The following IRAG1 variants were observed in gnomAD, a reference collection of about 807,000 sequenced individuals.
IRAG1 encodes the protein IP3R-associated cGMP kinase substrate.
A neutral mutation model predicts 106.2 loss-of-function variants in IRAG1; 62 were observed. The observed-to-expected ratio is 0.58, with a 90% CI of 0.48 to 0.72. The LOEUF is 0.72. Among genes scored for constraint, IRAG1 ranks in the 30% least tolerant of loss-of-function variants. The pLI, the probability that IRAG1 is intolerant of heterozygous loss-of-function variation, is 0.00. For synonymous variants in IRAG1, 462 were observed against 443.9 expected (o/e 1.04, Z -0.51); for missense variants, 1,064 against 1,140.7 (o/e 0.93, Z 0.97).
chr11:10,576,312 C>G lies in IRAG1; in HGVS notation c.*20G>C. 1 of 1,612,836 alleles carries G rather than the reference C, an allele frequency of 6.2e-7. No individual in the cohort carries two copies. The highest frequency in any genetic ancestry group is 8.5e-7 in the Non-Finnish European group (1 of 1,179,548). Reference sequence around the variant, plus strand: ...AGTCTGAGTGTCTCAGAGCAGGGCACTGGCTAGGTGTGAGGTTTCCTACTG... The same window carrying G: ...AGTCTGAGTGTCTCAGAGCAGGGCAGTGGCTAGGTGTGAGGTTTCCTACTG... On this transcript the variant is annotated 3_prime_UTR_variant, in exon 21 of 21. Coordinates refer to ENST00000423302, the MANE Select transcript of IRAG1 (RefSeq NM_130385.4).
At chr11:10,617,250 A>C in intron 10 of IRAG1, 2 of 932,166 alleles carry the variant, frequency 2.1e-6, no homozygotes, top group Non-Finnish European at 2.6e-6. Context: ...CATTTACTGA[A>C]CATCAACTAT....
At chr11:10,588,405 A>C (rs988649625) in intron 18 of IRAG1, among the ~76,000 whole-genome samples, 3 of 152,072 alleles carry the variant, frequency 2.0e-5, no homozygotes, top group Admixed American at 6.5e-5. Context: ...GCTGCAGTGC[A>C]GTGGTGCAAT....
chr11:10,594,554 AG>A (rs1296562770), intron 15 of IRAG1, among the ~76,000 whole-genome samples: 1 of 152,204 alleles, frequency 6.6e-6, no homozygotes, highest in Non-Finnish European at 1.5e-5. Flanking sequence ...TGCTCGTTCA[AG>A]GATGTACAGT....
rs368712160 is a variant in IRAG1, at chr11:10,665,364, T to G, written c.68-13182A>C. 9.8e-5 allele frequency among the ~76,000 whole-genome samples: 15 copies of G among 152,298 alleles called. No homozygotes were observed. The South Asian group carries it at 2.5e-3, about 25-fold the overall frequency. ...CCAGGATGCCTGTCCCCACTTCTTT[T>G]TACTAATACACACATCTAAACTGTT... On this transcript the variant is annotated intron_variant, in intron 1 of 20. Coordinates refer to ENST00000423302, the MANE Select transcript of IRAG1 (RefSeq NM_130385.4). This position sits in a 1 kb window ranked among gnomAD's most constrained non-coding sequence, Gnocchi z 4.2.
At chr11:10,634,156 C>T (rs543473496) in intron 2 of IRAG1, 85 bp from the exon 3 acceptor site, 5 of 743,874 alleles carry the variant, frequency 6.7e-6, no homozygotes, top group Non-Finnish European at 9.0e-6. Context: ...ATTCTCACAT[C>T]ATGATGCTCA....
intron 18 of IRAG1, among the ~76,000 whole-genome samples, chr11:10,584,046 T>C (rs1302153330): frequency 1.3e-5 from 2 of 152,148 alleles, no homozygotes; most frequent in African/African-American, 4.8e-5. Flanking sequence ...ATTGCAGGTA[T>C]GGGATCACAA....
chr11:10,642,922 T>C (rs1210520229), intron 2 of IRAG1, among the ~76,000 whole-genome samples: 1 of 151,642 alleles, frequency 6.6e-6, no homozygotes, highest in East Asian at 2.0e-4. Context: ...CCCAGCACTT[T>C]GGGAGGCCGA....
At chr11:10,598,042 C>T (rs1853530424) in intron 15 of IRAG1, among the ~76,000 whole-genome samples, 1 of 152,172 alleles carries the variant, frequency 6.6e-6, no homozygotes, top group African/African-American at 2.4e-5. Flanking sequence ...AACAAATTTC[C>T]TTGTTTCTCT....
intron 20 of IRAG1, 117 bp downstream of exon 20, chr11:10,580,338 G>A: frequency 1.3e-6 from 2 of 1,503,350 alleles, no homozygotes; most frequent in South Asian, 2.7e-5. Flanking sequence ...TACTCACTGG[G>A]GCCCCAGATT....
At chr11:10,637,748 C>T (rs1857243623) in intron 2 of IRAG1, among the ~76,000 whole-genome samples, 1 of 151,856 alleles carries the variant, frequency 6.6e-6, no homozygotes, top group Admixed American at 6.6e-5. Context: ...TCCAGGGGAC[C>T]AGAAGAGAAG....
chr11:10,654,234 A>AC (rs34624515), intron 1 of IRAG1, among the ~76,000 whole-genome samples: 49,120 of 151,874 alleles, frequency 0.32, 9,075 homozygotes, highest in East Asian at 0.82. Context: ...GCTCTGACAG[A>AC]CCCCCCAGCC....
At chr11:10,586,902 T>C (rs1464804482) in intron 18 of IRAG1, among the ~76,000 whole-genome samples, 2 of 152,252 alleles carry the variant, frequency 1.3e-5, no homozygotes, top group Non-Finnish European at 2.9e-5. Context: ...TCGGTTTCAC[T>C]ATGACTTATC....
intron 11 of IRAG1, among the ~76,000 whole-genome samples, chr11:10,608,005 G>A (rs957181362): frequency 6.6e-6 from 1 of 152,072 alleles, no homozygotes; most frequent in Non-Finnish European, 1.5e-5. Context: ...GGGTTTGTTG[G>A]GATATTATGT....
At chr11:10,584,901 T>A (rs943276060) in intron 18 of IRAG1, among the ~76,000 whole-genome samples, 1 of 152,152 alleles carries the variant, frequency 6.6e-6, no homozygotes, top group African/African-American at 2.4e-5. Flanking sequence ...TATTGTTATA[T>A]AGTAAATGTA....
At position 10,575,232 on chromosome 11, in the gene IRAG1, A is replaced by C. The variant is rs1193326497; in HGVS notation, c.*1100T>G. On this transcript the variant is annotated 3_prime_UTR_variant, in exon 21 of 21. Coordinates refer to ENST00000423302, the MANE Select transcript of IRAG1 (RefSeq NM_130385.4). ...ACTGGGGATGCTCTGAAACACCCCT[A>C]ATTATACTGGGGTTGGAAACCCCAT... 1 of 152,216 alleles carries C rather than the reference A, an allele frequency of 6.6e-6. No homozygotes were observed. The highest frequency in any genetic ancestry group is 2.4e-5 in the African/African-American group (1 of 41,460). The allele number at this position is 152,216 out of a possible 1,614,324, so 9.4% of individuals were successfully genotyped here. A position where few individuals can be genotyped will look rare whatever the true frequency, so the allele number is the denominator to read the frequency against.
intron 20 of IRAG1, among the ~76,000 whole-genome samples, chr11:10,579,197 G>T (rs939300981): frequency 5.3e-5 from 8 of 152,276 alleles, no homozygotes; most frequent in Middle Eastern, 3.4e-3. Flanking sequence ...CAATGGGGTC[G>T]ACCAGCATGG....
chr11:10,676,436 C>A (rs930341920), intron 1 of IRAG1, among the ~76,000 whole-genome samples: 1 of 152,208 alleles, frequency 6.6e-6, no homozygotes, highest in African/African-American at 2.4e-5. Context: ...GGGTGGTTGA[C>A]CCCACTGTGG....
At chr11:10,598,166 G>GGCCTT (rs1482049659) in intron 15 of IRAG1, among the ~76,000 whole-genome samples, 30 of 152,290 alleles carry the variant, frequency 2.0e-4, no homozygotes, top group African/African-American at 7.0e-4. Context: ...AGGTGTTCCA[G>GGCCTT]GCCTTGTCTC....
intron 17 of IRAG1, among the ~76,000 whole-genome samples, chr11:10,592,114 G>C (rs1047858294): frequency 6.6e-6 from 1 of 152,182 alleles, no homozygotes; most frequent in Non-Finnish European, 1.5e-5. Context: ...AGGATTTCCA[G>C]GTTGTGTTGT....
Sources: allele counts gnomAD v4.1 joint callset (sites outside exome capture counted in the v4.1 genomes callset), GRCh38; gene constraint gnomAD v4.1.1; non-coding constraint Gnocchi (gnomAD v3.1); transcripts MANE v1.5; gene names NCBI Gene and HGNC (gene_info 2026-07-23, HGNC 2026-07-21).